The following ABTB2 variants were observed in gnomAD, a reference collection of about 807,000 sequenced individuals.
ABTB2 encodes ankyrin repeat and BTB domain containing 2.
ABTB2 carries 56 observed loss-of-function variants against 104.1 expected under a neutral mutation model. That is an observed-to-expected ratio of 0.54 (90% CI 0.43 to 0.67). ABTB2 has a LOEUF of 0.67. Among genes scored for constraint, ABTB2 ranks in the 30% least tolerant of loss-of-function variants. The pLI is 0.00. For synonymous variants in ABTB2, 606 were observed against 608.2 expected, an observed-to-expected ratio of 1.00 and a Z score of 0.05; for missense variants, 1,279 against 1,407.7, an observed-to-expected ratio of 0.91 and a Z score of 1.46.
intron 1 of ABTB2, among the ~76,000 whole-genome samples, chr11:34,334,365 A>C (rs1201425329): frequency 6.6e-6 from 1 of 151,976 alleles, no homozygotes; most frequent in East Asian, 1.9e-4. Flanking sequence ...GGAAGAGAAA[A>C]CTCACTTCTC....
chr11:34,243,944 G>C (rs191707894), intron 1 of ABTB2, among the ~76,000 whole-genome samples: 1 of 152,372 alleles, frequency 6.6e-6, no homozygotes, highest in Admixed American at 6.5e-5. Flanking sequence ...TAGAAGAGCA[G>C]GGGACCTGTC....
intron 1 of ABTB2, among the ~76,000 whole-genome samples, chr11:34,337,605 G>C (rs1189155318): frequency 6.6e-6 from 1 of 152,092 alleles, no homozygotes; most frequent in African/African-American, 2.4e-5. Flanking sequence ...GGGTGACCTC[G>C]AGCAAGTCAT....
chr11:34,287,277 G>T (rs926365612), intron 1 of ABTB2, among the ~76,000 whole-genome samples: 1 of 151,452 alleles, frequency 6.6e-6, no homozygotes, highest in Non-Finnish European at 1.5e-5. Flanking sequence ...CACAGCAAAA[G>T]AAGAGATCTC....
intron 4 of ABTB2, 83 bp from the exon 5 acceptor site, chr11:34,171,154 C>T (rs1590205990): frequency 1.9e-5 from 28 of 1,468,256 alleles, no homozygotes; most frequent in Non-Finnish European, 2.3e-5. Flanking sequence ...GTGAGCTTTA[C>T]GTGTAGAGTG....
rs147932895 is a variant in ABTB2, at chr11:34,158,185, C to T, written c.2697+1111G>A. Among the ~76,000 whole-genome samples, 688 of 152,276 alleles carry T rather than the reference C, an allele frequency of 4.5e-3. 9 individuals carry two copies. Among genetic ancestry groups the T allele is most frequent in the East Asian group, 0.039 (204 of 5,186 alleles). The stretch of plus-strand genomic sequence containing the variant: ...ATCCCAGCACTTTGGGAGGCCAAGG[C>T]GGGTGGATCACAAGGTTAGAAGATC... On this transcript the variant is annotated intron_variant, in intron 14 of 16. Coordinates refer to ENST00000435224, the MANE Select transcript of ABTB2 (RefSeq NM_145804.3).
intron 2 of ABTB2, among the ~76,000 whole-genome samples, chr11:34,203,512 A>C (rs1853369235): frequency 2.0e-5 from 3 of 152,142 alleles, no homozygotes; most frequent in African/African-American, 7.2e-5. Context: ...ACCAGAACCC[A>C]CTTCCTGTGG....
Position 34,197,307 on chromosome 11 carries a change from C to G in ABTB2, c.1244+18G>C. 1 of 1,613,496 alleles carries G rather than the reference C, an allele frequency of 6.2e-7. No homozygotes were observed. The highest frequency in any genetic ancestry group is 1.3e-5 in the African/African-American group (1 of 75,024). ...GGAGCACGTCCCACCAGGTGCTCAG[C>G]CCAAGGAAGATCCCTACCGTTCATT... On this transcript the variant is annotated intron_variant, in intron 3 of 16. Coordinates refer to ENST00000435224, the MANE Select transcript of ABTB2 (RefSeq NM_145804.3).
chr11:34,151,237 G>A lies in ABTB2; in HGVS notation c.*1150C>T, dbSNP rs77999742. ...GGTGAATAAATAGTTTTTAAGGTGC[G>A]GCCAGACAGCTGAAGAAGTTGCACC... On this transcript the variant is annotated 3_prime_UTR_variant, in exon 17 of 17. Coordinates refer to ENST00000435224, the MANE Select transcript of ABTB2 (RefSeq NM_145804.3). The A allele has an allele frequency of 0.075, 11,402 of 152,444 alleles. 460 individuals carry two copies. The highest frequency in any genetic ancestry group is 0.092 in the Non-Finnish European group (6,231 of 68,024). 9.4% of individuals were successfully genotyped at this position (152,444 alleles called of 1,614,324 possible).
At chr11:34,326,105 T>C (rs1429296966) in intron 1 of ABTB2, among the ~76,000 whole-genome samples, 1 of 152,150 alleles carries the variant, frequency 6.6e-6, no homozygotes, top group African/African-American at 2.4e-5. Flanking sequence ...CTTCTCTCTC[T>C]GTACTCTAAT....
At chr11:34,228,766 A>T (rs1471063972) in intron 1 of ABTB2, among the ~76,000 whole-genome samples, 2 of 152,090 alleles carry the variant, frequency 1.3e-5, no homozygotes, top group Non-Finnish European at 2.9e-5. Flanking sequence ...GAAGGCTCCA[A>T]TTTCTCCACA....
At chr11:34,274,579 A>ACACACG (rs35632214) in intron 1 of ABTB2, among the ~76,000 whole-genome samples, 4 of 145,766 alleles carry the variant, frequency 2.7e-5, no homozygotes, top group East Asian at 2.0e-4. Context: ...ACACACACAC[A>ACACACG]CGCGTGTGTG....
Position 34,248,096 on chromosome 11 carries a change from T to TA in ABTB2, c.884-43407dup, listed in dbSNP as rs1157412906. 8.4e-3 allele frequency among the ~76,000 whole-genome samples: 971 copies of TA among 116,234 alleles called. 13 individuals are homozygous for TA. Among genetic ancestry groups the TA allele is most frequent in the Non-Finnish European group, 0.011 (586 of 54,942 alleles). 76.3% of individuals were successfully genotyped at this position (116,234 alleles called of 152,430 possible). On this transcript the variant is annotated intron_variant, in intron 1 of 16. Coordinates refer to ENST00000435224, the MANE Select transcript of ABTB2 (RefSeq NM_145804.3). Reference sequence around the variant, plus strand: ...CAATTTACTTATCTATAATTTTTCTTAAAAAAAAAAAAAAAAAAAAAAAAA... The same window carrying TA: ...CAATTTACTTATCTATAATTTTTCTTAAAAAAAAAAAAAAAAAAAAAAAAAA...
At chr11:34,173,039 T>A in intron 4 of ABTB2, 116 bp downstream of exon 4, 1 of 1,310,740 alleles carries the variant, frequency 7.6e-7, no homozygotes, top group Non-Finnish European at 1.1e-6. Context: ...AGCTCAAATG[T>A]GCTGCAGCCC....
chr11:34,357,535 A>G lies in ABTB2; in HGVS notation c.49T>C (p.Leu17=), dbSNP rs1288030446. The G allele has an allele frequency of 1.8e-5, 28 of 1,537,334 alleles. No individual in the cohort carries two copies. Among genetic ancestry groups the G allele is most frequent in the East Asian group, 2.4e-5 (1 of 40,880 alleles). The part of the protein sequence containing the change: ...STLKTLEDLT[L]DSGYGAGDSC... ...TCCCCGGCCCCATACCCGGAGTCCAAGGTCAAGTCCTCCAGCGTCTTCAGA... is the reference window on the plus strand; with the variant it reads ...TCCCCGGCCCCATACCCGGAGTCCAGGGTCAAGTCCTCCAGCGTCTTCAGA... The change falls in exon 1 of 17, where the codon TTG becomes CTG. Residue 17 remains leucine (L), a synonymous_variant. Coordinates refer to ENST00000435224, the MANE Select transcript of ABTB2 (RefSeq NM_145804.3).
At chr11:34,218,729 A>T (rs1403908505) in intron 1 of ABTB2, among the ~76,000 whole-genome samples, 1 of 151,778 alleles carries the variant, frequency 6.6e-6, no homozygotes, top group African/African-American at 2.4e-5. Context: ...CACGCCTGTA[A>T]TCCCAGCTAC....
chr11:34,306,879 G>C (rs1158985661), intron 1 of ABTB2, among the ~76,000 whole-genome samples: 1 of 149,802 alleles, frequency 6.7e-6, no homozygotes. Context: ...GATGAGTTCA[G>C]CACATAGCAG....
intron 3 of ABTB2, among the ~76,000 whole-genome samples, chr11:34,187,430 T>C (rs889749428): frequency 2.6e-5 from 4 of 152,030 alleles, no homozygotes; most frequent in Admixed American, 2.6e-4. Flanking sequence ...ATTTCGTAGA[T>C]GTCCAAAATG....
chr11:34,250,906 C>T (rs949239365), intron 1 of ABTB2, among the ~76,000 whole-genome samples: 2 of 152,082 alleles, frequency 1.3e-5, no homozygotes, highest in African/African-American at 2.4e-5. Flanking sequence ...ATGAGAAAAC[C>T]GAGGTTCAGA....
intron 1 of ABTB2, among the ~76,000 whole-genome samples, chr11:34,267,029 G>A (rs1287104779): frequency 4.0e-5 from 6 of 151,520 alleles, no homozygotes; most frequent in Admixed American, 2.0e-4. Context: ...AGGGAGGGGC[G>A]GGGCGGGGAG....
Sources: gnomAD v4.1 joint callset for allele counts (sites outside exome capture counted in the v4.1 genomes callset) on GRCh38, gnomAD v4.1.1 for gene constraint, MANE v1.5 for transcripts, NCBI Gene and HGNC (gene_info 2026-07-23, HGNC 2026-07-21) for gene names.